BTG4: variants seen among roughly 807,000 people sequenced by gnomAD.
The protein encoded by BTG4 is protein BTG4.
Under a neutral mutation model 19.3 loss-of-function variants are expected in BTG4, and 10 were observed. The ratio of observed to expected loss-of-function variants is 0.52; its 90% confidence interval spans 0.32 to 0.88. The LOEUF (loss-of-function observed/expected upper bound fraction) is 0.88, where lower values mean the gene tolerates loss of function less well. Ranked by LOEUF, BTG4 falls within the 40% of genes least tolerant of loss-of-function variation. BTG4 has a pLI of 0.04. For synonymous variants in BTG4, 91 were observed against 95.7 expected, an observed-to-expected ratio of 0.95 and a Z score of 0.29; for missense variants, 238 against 281.9, an observed-to-expected ratio of 0.84 and a Z score of 1.11.
chr11:111,511,879 A>T (rs924255902), intron 1 of BTG4, among the ~76,000 whole-genome samples: 1 of 152,204 alleles, frequency 6.6e-6, no homozygotes, highest in African/African-American at 2.4e-5. Flanking sequence ...TTTCTGATAC[A>T]AATAGTTTCT....
the BTG4 span, among the ~76,000 whole-genome samples, chr11:111,392,896 A>G: frequency 5.9e-5 from 9 of 152,162 alleles, no homozygotes; most frequent in Admixed American, 2.6e-4. Flanking sequence ...ATGTGTGTAA[A>G]ACAGTACAAC....
chr11:111,487,078 A>G (rs1865110251), intron 5 of BTG4, among the ~76,000 whole-genome samples: 1 of 151,976 alleles, frequency 6.6e-6, no homozygotes, highest in African/African-American at 2.4e-5. Context: ...GCAGTGCTTG[A>G]CATTCTGTTT....
At chr11:111,492,019 G>T (rs1591502673), downstream of BTG4, among the ~76,000 whole-genome samples, 1 of 152,130 alleles carries the variant, frequency 6.6e-6, no homozygotes, top group East Asian at 1.9e-4. Context: ...CTCATGGATG[G>T]CTGCCTCTGA....
At chr11:111,494,148 A>G (rs916024797), downstream of BTG4, among the ~76,000 whole-genome samples, 2 of 152,220 alleles carry the variant, frequency 1.3e-5, no homozygotes, top group Non-Finnish European at 2.9e-5. Flanking sequence ...ATGAGAGAGG[A>G]GAAGGGAGGG....
chr11:111,514,725 C>CGGGGCA (rs1314265610), upstream of BTG4: 6,905 of 1,157,644 alleles, frequency 6.0e-3, 37 homozygotes, highest in Non-Finnish European at 6.1e-3. Context: ...CTCGGAGGGG[C>CGGGGCA]GGGGCAGGGG....
At chr11:111,393,672 G>A in the BTG4 span, among the ~76,000 whole-genome samples, 3 of 152,104 alleles carry the variant, frequency 2.0e-5, no homozygotes, top group Admixed American at 2.0e-4. Context: ...GGTCTAGCAT[G>A]AGGAGGAGAG....
the BTG4 span, among the ~76,000 whole-genome samples, chr11:111,438,975 C>T: frequency 2.6e-5 from 4 of 152,344 alleles, no homozygotes; most frequent in South Asian, 8.3e-4. Flanking sequence ...ATTCCCTGAA[C>T]TTAAGGGAAA....
the BTG4 span, among the ~76,000 whole-genome samples, chr11:111,439,737 G>T: frequency 6.6e-6 from 1 of 152,068 alleles, no homozygotes; most frequent in African/African-American, 2.4e-5. Context: ...TTCACCTATA[G>T]GAGTCATAGA....
the BTG4 span, chr11:111,454,406 G>A: frequency 8.3e-5 from 36 of 431,720 alleles, no homozygotes; most frequent in Admixed American, 1.6e-4. Context: ...GGAGGAACAT[G>A]TGGGGCTAGA....
the BTG4 span, among the ~76,000 whole-genome samples, chr11:111,424,416 C>A: frequency 6.6e-6 from 1 of 152,234 alleles, no homozygotes; most frequent in African/African-American, 2.4e-5. Context: ...TGCTGGGCGT[C>A]CTGCCCCACA....
downstream of BTG4, among the ~76,000 whole-genome samples, chr11:111,492,244 C>A (rs1865464117): frequency 6.6e-6 from 1 of 152,196 alleles, no homozygotes; most frequent in Non-Finnish European, 1.5e-5. Flanking sequence ...GTTTTTAAAC[C>A]AACCTTGCAA....
the BTG4 span, among the ~76,000 whole-genome samples, chr11:111,437,923 A>G: frequency 6.6e-6 from 1 of 151,926 alleles, no homozygotes; most frequent in African/African-American, 2.4e-5. Flanking sequence ...TTCCACTCTC[A>G]TCCTCAACCC....
intron 1 of BTG4, among the ~76,000 whole-genome samples, chr11:111,502,150 TC>T (rs35626685): frequency 0.012 from 1,898 of 152,022 alleles, 45 homozygotes; most frequent in African/African-American, 0.043. Context: ...TTTTTTTTTT[TC>T]AACAGAGATG....
At chr11:111,402,996 C>A in the BTG4 span, among the ~76,000 whole-genome samples, 1 of 152,016 alleles carries the variant, frequency 6.6e-6, no homozygotes, top group Non-Finnish European at 1.5e-5. Flanking sequence ...AAATGGGAGC[C>A]CCAAAGCAAA....
the BTG4 span, among the ~76,000 whole-genome samples, chr11:111,412,220 G>A: frequency 6.6e-6 from 1 of 152,236 alleles, no homozygotes; most frequent in Non-Finnish European, 1.5e-5. Flanking sequence ...ACTTTGTGAT[G>A]TGGAGATGTT....
At chr11:111,428,331 A>T in the BTG4 span, among the ~76,000 whole-genome samples, 2 of 151,996 alleles carry the variant, frequency 1.3e-5, no homozygotes, top group Admixed American at 6.6e-5. Flanking sequence ...GTCACAAAGA[A>T]AAGTCCCCCA....
chr11:111,513,967 A>C (rs1342868012), upstream of BTG4: 1 of 153,716 alleles, frequency 6.5e-6, no homozygotes, highest in Non-Finnish European at 1.4e-5. Flanking sequence ...CTGCCACAGT[A>C]ATCTTAACTT....
chr11:111,413,528 T>C, the BTG4 span, among the ~76,000 whole-genome samples: 3 of 152,200 alleles, frequency 2.0e-5, no homozygotes, highest in African/African-American at 7.2e-5. Flanking sequence ...AATAAAGATA[T>C]CCTTTTTGTA....
upstream of BTG4, chr11:111,514,135 A>G (rs28371943): frequency 0.015 from 2,323 of 154,092 alleles, 59 homozygotes; most frequent in African/African-American, 0.052. Flanking sequence ...ACTCATTAAG[A>G]TGTATCCCTT....
Sources: gnomAD v4.1 joint callset for allele counts (sites outside exome capture counted in the v4.1 genomes callset) on GRCh38, gnomAD v4.1.1 for gene constraint, MANE v1.5 for transcripts, NCBI Gene and HGNC (gene_info 2026-07-23, HGNC 2026-07-21) for gene names.